The following PLCH1 variants were observed in gnomAD, a reference collection of about 807,000 sequenced individuals.
PLCH1 encodes phospholipase C eta 1, also known as 1-phosphatidylinositol 4,5-bisphosphate phosphodiesterase eta-1.
PLCH1 carries 60 observed loss-of-function variants against 126.7 expected under a neutral mutation model. That is an observed-to-expected ratio of 0.47 (90% CI 0.38 to 0.59). PLCH1 has a LOEUF of 0.59. Ranked by LOEUF, PLCH1 falls within the 20% of genes least tolerant of loss-of-function variation. The pLI is 0.00. For missense variants in PLCH1, 1,723 were observed against 2,040.0 expected, an observed-to-expected ratio of 0.84 and a Z score of 2.99; for synonymous variants, 719 against 734.9, an observed-to-expected ratio of 0.98 and a Z score of 0.35.
intron 6 of PLCH1, among the ~76,000 whole-genome samples, chr3:155,570,267 A>G (rs1729024271): frequency 1.3e-5 from 2 of 152,168 alleles, no homozygotes; most frequent in Admixed American, 1.3e-4. Flanking sequence ...TTATAAGTTT[A>G]TTGTATGACT....
At chr3:155,679,622 G>A (rs1219627054) in intron 2 of PLCH1, among the ~76,000 whole-genome samples, 4 of 152,026 alleles carry the variant, frequency 2.6e-5, no homozygotes, top group Admixed American at 6.6e-5. Context: ...AGATAAACTC[G>A]GAGTGAAAAC....
At position 155,480,906 on chromosome 3, in the gene PLCH1, A is replaced by G; in HGVS notation, c.*62T>C. 1 of 1,334,886 alleles carries G rather than the reference A, an allele frequency of 7.5e-7. No homozygotes were observed. Among genetic ancestry groups the G allele is most frequent in the Non-Finnish European group, 1.0e-6 (1 of 979,386 alleles). The allele number at this position is 1,334,886 out of a possible 1,614,324, so 82.7% of individuals were successfully genotyped here. A position where few individuals can be genotyped will look rare whatever the true frequency, so the allele number is the denominator to read the frequency against. On this transcript the variant is annotated 3_prime_UTR_variant, in exon 23 of 23. Coordinates refer to ENST00000460012, the MANE Select transcript of PLCH1 (RefSeq NM_014996.4). ...CATTCCAAAGCCAAGGAACTTATTT[A>G]CTGAAAACTCTGACATTCTACAGAA...
intron 2 of PLCH1, among the ~76,000 whole-genome samples, chr3:155,618,724 C>G (rs1560256125): frequency 6.6e-6 from 1 of 152,178 alleles, no homozygotes; most frequent in Non-Finnish European, 1.5e-5. Flanking sequence ...GGGCTCACTG[C>G]AGCCTTGACC....
chr3:155,651,230 C>T lies in PLCH1; in HGVS notation c.79+52916G>A, dbSNP rs75387479. Among the ~76,000 whole-genome samples, 739 of 152,326 alleles carry T rather than the reference C, an allele frequency of 4.9e-3. 5 individuals carry two copies. The highest frequency in any genetic ancestry group is 0.016 in the African/African-American group (685 of 41,558). ...AACTTCAGCTCTTGAAGTTTACACA[C>T]TGCACAAGGATTCAAAGGCATATGT... On this transcript the variant is annotated intron_variant, in intron 2 of 22. Transcript: ENST00000460012.
chr3:155,560,814 T>A (rs1282546898), intron 8 of PLCH1, among the ~76,000 whole-genome samples: 1 of 152,150 alleles, frequency 6.6e-6, no homozygotes, highest in Non-Finnish European at 1.5e-5. Flanking sequence ...TCCCTGTGAC[T>A]CATGGCATCT....
At chr3:155,623,156 C>T (rs1560263704) in intron 2 of PLCH1, among the ~76,000 whole-genome samples, 3 of 151,714 alleles carry the variant, frequency 2.0e-5, no homozygotes. Context: ...TGAATGACTA[C>T]TGGGTAAATA....
intron 2 of PLCH1, among the ~76,000 whole-genome samples, chr3:155,700,048 T>A (rs1577339492): frequency 6.6e-6 from 1 of 152,174 alleles, no homozygotes; most frequent in Non-Finnish European, 1.5e-5. Flanking sequence ...ACCTCACACC[T>A]TGCTGCTATA....
At chr3:155,589,400 A>AT (rs1731808893) in intron 4 of PLCH1, among the ~76,000 whole-genome samples, 1 of 152,152 alleles carries the variant, frequency 6.6e-6, no homozygotes. Context: ...TGAAATTCTA[A>AT]TTTCAAGTAA....
At chr3:155,626,768 CAAAAAAAAAAAAAAAA>C (rs71155058) in intron 2 of PLCH1, among the ~76,000 whole-genome samples, 5 of 49,652 alleles carry the variant, frequency 1.0e-4, no homozygotes, top group South Asian at 8.6e-4. Flanking sequence ...GACTCCGTCT[CAAAAAAAAAAAAAAAA>C]AAAAAAAAAA....
chr3:155,483,225 T>C, intron 22 of PLCH1, 174 bp from the exon 23 acceptor site: 1 of 877,712 alleles, frequency 1.1e-6, no homozygotes, highest in South Asian at 1.8e-5. Flanking sequence ...GAATAAATGG[T>C]AAAATATATT....
At chr3:155,621,348 C>T (rs1366229154) in intron 2 of PLCH1, among the ~76,000 whole-genome samples, 3 of 152,090 alleles carry the variant, frequency 2.0e-5, no homozygotes, top group Admixed American at 6.6e-5. Flanking sequence ...AACCAAAATG[C>T]CTCTTCTCCA....
chr3:155,649,931 T>G (rs527311716), intron 2 of PLCH1, among the ~76,000 whole-genome samples: 1 of 152,036 alleles, frequency 6.6e-6, no homozygotes, highest in East Asian at 1.9e-4. Flanking sequence ...TGAGCCGAGA[T>G]AGCGCCACTG....
At chr3:155,594,409 A>G (rs2108646277) in intron 3 of PLCH1, among the ~76,000 whole-genome samples, 1 of 152,080 alleles carries the variant, frequency 6.6e-6, no homozygotes, top group Non-Finnish European at 1.5e-5. Flanking sequence ...CGTCTCTGCT[A>G]AAATAAAAAA....
At chr3:155,537,523 T>G (rs1358727946) in intron 10 of PLCH1, among the ~76,000 whole-genome samples, 1 of 151,866 alleles carries the variant, frequency 6.6e-6, no homozygotes, top group Non-Finnish European at 1.5e-5. Context: ...ATATAAGGAC[T>G]CATAAACTTA....
intron 1 of PLCH1, among the ~76,000 whole-genome samples, chr3:155,719,032 T>G (rs358725): frequency 0.11 from 16,200 of 152,090 alleles, 1,371 homozygotes; most frequent in East Asian, 0.39. Context: ...TTTCCAAAAG[T>G]TTTTTGGAAA....
chr3:155,554,193 T>TCAACTGCCA lies in PLCH1; in HGVS notation c.1070-6_1072dup (p.Val357_Asp358insValAlaVal). 6.2e-7 allele frequency: 1 copy of TCAACTGCCA among 1,612,014 alleles called. No homozygotes were observed. Among genetic ancestry groups the TCAACTGCCA allele is most frequent in the South Asian group, 1.1e-5 (1 of 90,576 alleles). On this transcript the variant is annotated inframe_insertion, in exon 9 of 23. Coordinates refer to ENST00000460012, the MANE Select transcript of PLCH1 (RefSeq NM_014996.4). ...CTCTCCATCTGGGCCATCCCAACAGTCAACTGCCAAAAACAGAACTTTATA... is the reference window on the plus strand; with the variant it reads ...CTCTCCATCTGGGCCATCCCAACAGTCAACTGCCACAACTGCCAAAAACAGAACTTTATA...
intron 1 of PLCH1, among the ~76,000 whole-genome samples, chr3:155,733,978 T>A (rs1194462413): frequency 7.9e-6 from 1 of 126,130 alleles, no homozygotes; most frequent in East Asian, 2.3e-4. Flanking sequence ...TATATATATA[T>A]GCACTCAACA....
intron 1 of PLCH1, among the ~76,000 whole-genome samples, chr3:155,726,211 C>G (rs1362522860): frequency 6.6e-6 from 1 of 152,012 alleles, no homozygotes; most frequent in African/African-American, 2.4e-5. Context: ...TTTTAAGATC[C>G]TTTATCTGGA....
intron 2 of PLCH1, among the ~76,000 whole-genome samples, chr3:155,614,402 C>T (rs531544270): frequency 6.6e-6 from 1 of 151,942 alleles, no homozygotes; most frequent in Non-Finnish European, 1.5e-5. Flanking sequence ...AACTATACTA[C>T]AAGGAGATAG....
Sources: allele counts gnomAD v4.1 joint callset (sites outside exome capture counted in the v4.1 genomes callset), GRCh38; gene constraint gnomAD v4.1.1; transcripts MANE v1.5; gene names NCBI Gene and HGNC (gene_info 2026-07-23, HGNC 2026-07-21).